Variants in RIMS2 observed in about 807,000 individuals in gnomAD.
The protein encoded by RIMS2 is regulating synaptic membrane exocytosis 2, also known as regulating synaptic membrane exocytosis protein 2.
Under a neutral mutation model 174.4 loss-of-function variants are expected in RIMS2, and 59 were observed. The ratio of observed to expected loss-of-function variants is 0.34; its 90% CI spans 0.27 to 0.42. The LOEUF is 0.42. Among genes scored for constraint, RIMS2 ranks in the 10% least tolerant of loss-of-function variants. RIMS2 has a pLI of 1.00. For missense variants in RIMS2, 1,620 were observed against 1,666.3 expected, an observed-to-expected ratio of 0.97 and a Z score of 0.48; for synonymous variants, 606 against 572.5, an observed-to-expected ratio of 1.06 and a Z score of -0.84.
intron 3 of RIMS2, among the ~76,000 whole-genome samples, chr8:103,811,284 G>T (rs1343811684): frequency 2.6e-5 from 4 of 151,934 alleles, no homozygotes; most frequent in Non-Finnish European, 2.9e-5. Context: ...TTTTTTTCAG[G>T]GATCTTGGTC....
chr8:103,564,666 C>T (rs577045890), intron 1 of RIMS2, among the ~76,000 whole-genome samples: 7 of 152,292 alleles, frequency 4.6e-5, no homozygotes, highest in African/African-American at 1.7e-4. Flanking sequence ...AGTCCAGAAG[C>T]GTTGGCCAGT....
At chr8:103,929,724 T>A (rs2079525465) in intron 11 of RIMS2, among the ~76,000 whole-genome samples, 1 of 151,964 alleles carries the variant, frequency 6.6e-6, no homozygotes, top group Admixed American at 6.6e-5. Context: ...CCTGCATTTC[T>A]TTCTTTGTTT....
chr8:103,623,030 C>T (rs1341916887), intron 1 of RIMS2, among the ~76,000 whole-genome samples: 1 of 152,182 alleles, frequency 6.6e-6, no homozygotes, highest in East Asian at 1.9e-4. Flanking sequence ...AAGACACTAA[C>T]TGTCTCTGTT....
intron 19 of RIMS2, among the ~76,000 whole-genome samples, chr8:104,060,607 G>T (rs1307943036): frequency 2.0e-5 from 3 of 151,730 alleles, no homozygotes; most frequent in Admixed American, 2.0e-4. Flanking sequence ...CTTGCCTTCT[G>T]CTAGCTTTTG....
chr8:104,011,381 C>T (rs958418887), intron 17 of RIMS2, among the ~76,000 whole-genome samples: 8 of 151,952 alleles, frequency 5.3e-5, no homozygotes, highest in South Asian at 2.1e-4. Context: ...TTTGTATTTA[C>T]GGAGAAAAAT....
At chr8:104,099,252 T>C (rs939774085) in intron 19 of RIMS2, among the ~76,000 whole-genome samples, 4 of 152,178 alleles carry the variant, frequency 2.6e-5, no homozygotes, top group African/African-American at 4.8e-5. Flanking sequence ...GCTTAGTTTT[T>C]TGTTTTGTTT....
chr8:103,936,261 C>T (rs1164478296), intron 12 of RIMS2, among the ~76,000 whole-genome samples: 2 of 151,970 alleles, frequency 1.3e-5, no homozygotes, highest in Non-Finnish European at 2.9e-5. Context: ...TTAAGATTCT[C>T]AAGTCTGGTT....
chr8:104,119,199 A>C (rs1302172026), intron 19 of RIMS2, among the ~76,000 whole-genome samples: 1 of 151,838 alleles, frequency 6.6e-6, no homozygotes, highest in African/African-American at 2.4e-5. Context: ...CAAAAAAAAA[A>C]AAAATCAAAA....
intron 1 of RIMS2, among the ~76,000 whole-genome samples, chr8:103,607,212 C>G (rs531461408): frequency 6.6e-6 from 1 of 152,182 alleles, no homozygotes; most frequent in East Asian, 1.9e-4. Context: ...GACAAAATCT[C>G]TCAGCGTTTG....
At chr8:104,039,633 T>C (rs886982159) in intron 19 of RIMS2, among the ~76,000 whole-genome samples, 1 of 151,734 alleles carries the variant, frequency 6.6e-6, no homozygotes, top group Non-Finnish European at 1.5e-5. Context: ...CATTTTTACT[T>C]GTGAGGGAAC....
intron 3 of RIMS2, among the ~76,000 whole-genome samples, chr8:103,809,009 A>G (rs1212439477): frequency 6.6e-6 from 1 of 152,168 alleles, no homozygotes; most frequent in East Asian, 1.9e-4. Context: ...AAAACACATA[A>G]TTATTCATGG....
chr8:104,038,822 T>A (rs1174721307), intron 19 of RIMS2, among the ~76,000 whole-genome samples: 1 of 151,788 alleles, frequency 6.6e-6, no homozygotes, highest in African/African-American at 2.4e-5. Flanking sequence ...TTTAAATATA[T>A]CTGATACAAC....
At chr8:103,820,685 T>A (rs1187485659) in intron 3 of RIMS2, among the ~76,000 whole-genome samples, 1 of 151,874 alleles carries the variant, frequency 6.6e-6, no homozygotes, top group Non-Finnish European at 1.5e-5. Context: ...GAAAATGGGA[T>A]AACATATCTA....
intron 3 of RIMS2, among the ~76,000 whole-genome samples, chr8:103,825,900 A>G (rs2098787497): frequency 6.6e-6 from 1 of 152,098 alleles, no homozygotes; most frequent in South Asian, 2.1e-4. Flanking sequence ...ATGATTGAAG[A>G]TTTTGGTGAT....
At chr8:104,062,866 G>T (rs1053824869) in intron 19 of RIMS2, among the ~76,000 whole-genome samples, 3 of 151,860 alleles carry the variant, frequency 2.0e-5, no homozygotes, top group African/African-American at 7.3e-5. Flanking sequence ...AATGTAATAA[G>T]ATAGTTATCA....
intron 8 of RIMS2, 78 bp from the exon 12 acceptor site, chr8:103,918,363 T>G: frequency 1.2e-6 from 1 of 836,194 alleles, no homozygotes; most frequent in Non-Finnish European, 1.9e-6. Flanking sequence ...TATTAATAGG[T>G]TGATAATAAT....
rs982430019 is a variant in RIMS2, at chr8:103,802,619, G to T, written c.698+36082G>T. Among the ~76,000 whole-genome samples, 6 of 152,152 alleles carry T rather than the reference G, an allele frequency of 3.9e-5. No individual in the cohort carries two copies. In the South Asian group the frequency reaches 1.0e-3, roughly 26 times the overall value. Reference sequence around the variant, plus strand: ...GTAAAGCAAATAAACCAGTAATAAAGAAAACTGGTTTGAAATAAATTTCTT... The same window carrying T: ...GTAAAGCAAATAAACCAGTAATAAATAAAACTGGTTTGAAATAAATTTCTT... On this transcript the variant is annotated intron_variant, in intron 3 of 23. Transcript: ENST00000504942.
chr8:103,752,170 G>A (rs1031547211), intron 2 of RIMS2, among the ~76,000 whole-genome samples: 13 of 152,066 alleles, frequency 8.5e-5, no homozygotes, highest in African/African-American at 2.4e-4. Context: ...TTTACATATG[G>A]CTAGCCAGTT....
At chr8:104,228,024 C>CTTTTTTT (rs1004772231) in intron 19 of RIMS2, among the ~76,000 whole-genome samples, 32 of 133,592 alleles carry the variant, frequency 2.4e-4, no homozygotes, top group African/African-American at 6.6e-4. Flanking sequence ...TGTTTCTTTT[C>CTTTTTTT]TTTTTTTTTT....
Sources: allele counts gnomAD v4.1 joint callset (sites outside exome capture counted in the v4.1 genomes callset), GRCh38; gene constraint gnomAD v4.1.1; transcripts MANE v1.5; gene names NCBI Gene and HGNC (gene_info 2026-07-23, HGNC 2026-07-21).